ADAMTS6: variants seen among roughly 807,000 people sequenced by gnomAD.
The protein encoded by ADAMTS6 is A disintegrin and metalloproteinase with thrombospondin motifs 6.
ADAMTS6 carries 23 observed loss-of-function variants against 144.3 expected under a neutral mutation model. The ratio of observed to expected loss-of-function variants is 0.16; its 90% CI spans 0.11 to 0.23. The LOEUF is 0.23. ADAMTS6 is among the 10% of genes least tolerant of loss of function. The probability of loss-of-function intolerance (pLI) is 1.00; values close to 1 mark genes in which losing one functional copy is unlikely to be tolerated. For missense variants in ADAMTS6, 999 were observed against 1,379.6 expected (o/e 0.72, Z 4.37); for synonymous variants, 444 against 457.5 (o/e 0.97, Z 0.38).
intron 13 of ADAMTS6, 48 bp from the exon 14 acceptor site, chr5:65,260,711 T>C (rs1286239235): frequency 2.1e-6 from 3 of 1,413,894 alleles, no homozygotes; most frequent in Middle Eastern, 1.8e-4. Context: ...CATCTGTCCA[T>C]ACAAAGAGTA....
chr5:65,266,209 T>C (rs1761617886), intron 12 of ADAMTS6, among the ~76,000 whole-genome samples: 1 of 151,892 alleles, frequency 6.6e-6, no homozygotes, highest in Non-Finnish European at 1.5e-5. Context: ...GTGAGAAAAG[T>C]CACATGAACT....
At chr5:65,283,106 C>T (rs1442793521) in intron 11 of ADAMTS6, among the ~76,000 whole-genome samples, 1 of 151,828 alleles carries the variant, frequency 6.6e-6, no homozygotes, top group Non-Finnish European at 1.5e-5. Flanking sequence ...AATAAAGGAT[C>T]CTGAAGGTAA....
Position 65,465,202 on chromosome 5 carries a change from T to C in ADAMTS6, c.463-4864A>G, listed in dbSNP as rs966937217. ...CCCATTCTCCTGGATAACTATTTCA[T>C]GTTTTCTCATCTCTACTTAATCCTC... On this transcript the variant is annotated intron_variant, in intron 3 of 24. Coordinates refer to ENST00000381055, the MANE Select transcript of ADAMTS6 (RefSeq NM_197941.4). 2.6e-5 allele frequency among the ~76,000 whole-genome samples: 4 copies of C among 152,350 alleles called. No individual in the cohort carries two copies. In the South Asian group the frequency reaches 8.3e-4, roughly 32 times the overall value.
intron 8 of ADAMTS6, among the ~76,000 whole-genome samples, chr5:65,333,043 C>T (rs976310716): frequency 5.3e-5 from 8 of 152,136 alleles, no homozygotes; most frequent in African/African-American, 1.7e-4. Context: ...AGTTGCATAA[C>T]ACTTTTCCTC....
intron 7 of ADAMTS6, among the ~76,000 whole-genome samples, chr5:65,335,142 C>T (rs910661182): frequency 1.3e-5 from 2 of 152,142 alleles, no homozygotes; most frequent in African/African-American, 4.8e-5. Context: ...TTATAACCAG[C>T]CATATCACTG....
chr5:65,360,971 T>C (rs1425034358), intron 7 of ADAMTS6, among the ~76,000 whole-genome samples: 1 of 152,216 alleles, frequency 6.6e-6, no homozygotes, highest in Non-Finnish European at 1.5e-5. Context: ...ATCTTCTCTT[T>C]ATCACGTCAG....
In ADAMTS6 at chr5:65,196,522, C is replaced by CAAAAAAAAAAAAAAAA. The variant is rs533444182; in HGVS notation, c.2705+484_2705+499dup. On this transcript the variant is annotated intron_variant, in intron 21 of 24. Transcript: ENST00000381055. ...TGGGCGACAGAGCGAGACTCCGTCTCAAAAAAAAAAAAAAAAAAAAAAAAA... is the reference window on the plus strand; with the variant it reads ...TGGGCGACAGAGCGAGACTCCGTCTCAAAAAAAAAAAAAAAAAAAAAAAAAAAAAAAAAAAAAAAAA... Among the ~76,000 whole-genome samples the CAAAAAAAAAAAAAAAA allele has an allele frequency of 4.2e-4, 16 of 38,034 alleles. 1 individual carries two copies. Among genetic ancestry groups the CAAAAAAAAAAAAAAAA allele is most frequent in the Non-Finnish European group, 5.2e-4 (10 of 19,172 alleles). The allele number at this position is 38,034 out of a possible 152,430, so 25.0% of individuals were successfully genotyped here. A position where few individuals can be genotyped will look rare whatever the true frequency, so the allele number is the denominator to read the frequency against.
intron 9 of ADAMTS6, among the ~76,000 whole-genome samples, chr5:65,323,198 G>A (rs934027661): frequency 2.0e-5 from 3 of 151,556 alleles, no homozygotes; most frequent in Admixed American, 6.6e-5. Context: ...CATGTGCCAT[G>A]TTGGTGTGCT....
chr5:65,403,207 G>C (rs1054465961), intron 7 of ADAMTS6, among the ~76,000 whole-genome samples: 1 of 151,980 alleles, frequency 6.6e-6, no homozygotes, highest in Admixed American at 6.6e-5. Context: ...CTAACTAGCT[G>C]CTTTTTCTGT....
At chr5:65,283,454 T>TAA (rs572231482) in intron 11 of ADAMTS6, among the ~76,000 whole-genome samples, 1 of 151,154 alleles carries the variant, frequency 6.6e-6, no homozygotes. Flanking sequence ...ACTAAATGGT[T>TAA]AAAAAAAAGA....
At chr5:65,249,663 T>A (rs1166172780) in intron 14 of ADAMTS6, among the ~76,000 whole-genome samples, 1 of 152,242 alleles carries the variant, frequency 6.6e-6, no homozygotes, top group Non-Finnish European at 1.5e-5. Flanking sequence ...GAATTGAGGT[T>A]GCTGCAGACC....
At chr5:65,174,951 G>A (rs1753878509) in intron 22 of ADAMTS6, among the ~76,000 whole-genome samples, 1 of 152,154 alleles carries the variant, frequency 6.6e-6, no homozygotes, top group African/African-American at 2.4e-5. Flanking sequence ...TTAGAACTTT[G>A]TGTGAAATAG....
intron 7 of ADAMTS6, among the ~76,000 whole-genome samples, chr5:65,373,595 T>C (rs1458059743): frequency 2.0e-5 from 3 of 151,880 alleles, no homozygotes; most frequent in African/African-American, 7.3e-5. Flanking sequence ...ATAACAGGAT[T>C]TGAAATTGTG....
chr5:65,443,622 CA>C (rs59240974), intron 7 of ADAMTS6, among the ~76,000 whole-genome samples: 846 of 69,042 alleles, frequency 0.012, 1 homozygote, highest in African/African-American at 0.046. Context: ...GACCCTGTCT[CA>C]AAAAAAAAAA....
intron 7 of ADAMTS6, among the ~76,000 whole-genome samples, chr5:65,374,950 A>C (rs1751371882): frequency 6.6e-6 from 1 of 152,174 alleles, no homozygotes. Context: ...CTCAGAAATA[A>C]TGCCACATAT....
chr5:65,376,124 G>A (rs935942489), intron 7 of ADAMTS6, among the ~76,000 whole-genome samples: 43 of 152,030 alleles, frequency 2.8e-4, no homozygotes, highest in Admixed American at 3.9e-4. Flanking sequence ...GGTGGGGGCA[G>A]GGGGGAGGGA....
intron 24 of ADAMTS6, among the ~76,000 whole-genome samples, chr5:65,166,041 T>G (rs1278407732): frequency 6.8e-6 from 1 of 147,392 alleles, no homozygotes; most frequent in Non-Finnish European, 1.5e-5. Flanking sequence ...ATATTAACTT[T>G]AAATGTAAAT....
At chr5:65,171,049 G>A (rs932612902) in intron 23 of ADAMTS6, among the ~76,000 whole-genome samples, 2 of 149,970 alleles carry the variant, frequency 1.3e-5, no homozygotes, top group East Asian at 2.0e-4. Context: ...TCGCTCTGTC[G>A]CTCAGGCTGG....
intron 20 of ADAMTS6, among the ~76,000 whole-genome samples, chr5:65,201,783 T>C (rs1320174765): frequency 1.3e-5 from 2 of 152,146 alleles, no homozygotes; most frequent in African/African-American, 4.8e-5. Context: ...CATTAAAAAG[T>C]CAGAGCTTGT....
Sources: gnomAD v4.1 joint callset for allele counts (sites outside exome capture counted in the v4.1 genomes callset) on GRCh38, gnomAD v4.1.1 for gene constraint, MANE v1.5 for transcripts, NCBI Gene and HGNC (gene_info 2026-07-23, HGNC 2026-07-21) for gene names.